The following DCHS2 variants were observed in gnomAD, a reference collection of about 807,000 sequenced individuals.
DCHS2 encodes the protein dachsous cadherin-related 2, also known as protocadherin-23.
A neutral mutation model predicts 182.4 loss-of-function variants in DCHS2; 142 were observed. The ratio of observed to expected loss-of-function variants is 0.78; its 90% CI spans 0.68 to 0.89. The LOEUF is 0.89. DCHS2 is among the 40% of genes least tolerant of loss of function. DCHS2 has a pLI of 0.00. For synonymous variants in DCHS2, 1,740 were observed against 1,663.3 expected (o/e 1.05, Z -1.12); for missense variants, 4,319 against 4,198.6 (o/e 1.03, Z -0.79).
intron 1 of DCHS2, among the ~76,000 whole-genome samples, chr4:154,411,542 A>G (rs1210254406): frequency 6.6e-6 from 1 of 152,144 alleles, no homozygotes; most frequent in Non-Finnish European, 1.5e-5. Flanking sequence ...GGTTGCAATA[A>G]GCCAAGATTA....
intron 1 of DCHS2, among the ~76,000 whole-genome samples, chr4:154,458,670 A>G (rs973842014): frequency 6.6e-6 from 1 of 152,226 alleles, no homozygotes; most frequent in East Asian, 1.9e-4. Flanking sequence ...CCATGTTACA[A>G]TCCAAATATC....
At chr4:154,263,206 C>A (rs911539007) in intron 14 of DCHS2, among the ~76,000 whole-genome samples, 1 of 151,904 alleles carries the variant, frequency 6.6e-6, no homozygotes, top group African/African-American at 2.4e-5. Flanking sequence ...AAAACCTATA[C>A]AATTAGATAC....
At chr4:154,442,542 C>G (rs1013717620) in intron 1 of DCHS2, among the ~76,000 whole-genome samples, 11 of 52,478 alleles carry the variant, frequency 2.1e-4, no homozygotes, top group African/African-American at 6.4e-4. Flanking sequence ...CCCCCCCCCC[C>G]ACACACACAC....
chr4:154,484,351 G>A (rs1333320685), intron 1 of DCHS2, among the ~76,000 whole-genome samples: 2 of 151,090 alleles, frequency 1.3e-5, no homozygotes, highest in African/African-American at 2.4e-5. Context: ...TTCCTAAAAC[G>A]TTACTTTTCA....
chr4:154,378,524 G>GGAAA (rs1554012157), intron 1 of DCHS2, among the ~76,000 whole-genome samples: 43 of 141,172 alleles, frequency 3.0e-4, no homozygotes, highest in African/African-American at 1.1e-3. Context: ...AAGGAAAGAA[G>GGAAA]GAAGGAAGGA....
At chr4:154,433,320 C>A (rs558291546) in intron 1 of DCHS2, among the ~76,000 whole-genome samples, 2 of 151,696 alleles carry the variant, frequency 1.3e-5, no homozygotes, top group Non-Finnish European at 2.9e-5. Context: ...GGACCATGGC[C>A]CTGCCAAGTA....
Position 154,319,980 on chromosome 4 carries a change from T to C in DCHS2, c.5020+399A>G, listed in dbSNP as rs377226356. On this transcript the variant is annotated intron_variant, in intron 9 of 19. Transcript: ENST00000357232. ...GAATGGATAAAGAAAATGTGGTATG[T>C]GCATACCATTGAAGACAATTCAGCC... Among the ~76,000 whole-genome samples, 146 of 138,014 alleles carry C rather than the reference T, an allele frequency of 1.1e-3. 1 individual carries two copies. Among genetic ancestry groups the C allele is most frequent in the African/African-American group, 3.3e-3 (135 of 40,858 alleles). The allele number at this position is 138,014 out of a possible 152,430, so 90.5% of individuals were successfully genotyped here. A position where few individuals can be genotyped will look rare whatever the true frequency, so the allele number is the denominator to read the frequency against.
intron 11 of DCHS2, 56 bp from the exon 12 acceptor site, chr4:154,304,934 ATGT>A: frequency 1.3e-6 from 2 of 1,538,666 alleles, no homozygotes; most frequent in Non-Finnish European, 1.7e-6. Flanking sequence ...TACCTAAAAT[ATGT>A]TGTTCTAACT....
chr4:154,440,313 A>T (rs1258854371), intron 1 of DCHS2, among the ~76,000 whole-genome samples: 1 of 152,116 alleles, frequency 6.6e-6, no homozygotes, highest in Non-Finnish European at 1.5e-5. Context: ...AACAAATGAA[A>T]CTGTACTTGC....
At chr4:154,345,902 A>C (rs1298037164) in intron 3 of DCHS2, among the ~76,000 whole-genome samples, 1 of 152,248 alleles carries the variant, frequency 6.6e-6, no homozygotes, top group African/African-American at 2.4e-5. Flanking sequence ...TGCTATAGCA[A>C]AAGTAGCATA....
chr4:154,468,685 C>A (rs959481523), intron 1 of DCHS2, among the ~76,000 whole-genome samples: 3 of 152,084 alleles, frequency 2.0e-5, no homozygotes, highest in African/African-American at 7.2e-5. Context: ...AATAAAAATC[C>A]TACATTTATT....
intron 3 of DCHS2, among the ~76,000 whole-genome samples, chr4:154,344,369 T>G (rs1729258638): frequency 6.6e-6 from 1 of 152,196 alleles, no homozygotes; most frequent in African/African-American, 2.4e-5. Context: ...AAGTGGGGTA[T>G]GTCTGTATAA....
chr4:154,470,244 G>A (rs1735404102), intron 1 of DCHS2, among the ~76,000 whole-genome samples: 2 of 152,152 alleles, frequency 1.3e-5, no homozygotes, highest in African/African-American at 4.8e-5. Flanking sequence ...TTGGGAGGCT[G>A]AGCTTGGAGG....
At chr4:154,447,235 T>G (rs1221319072) in intron 1 of DCHS2, among the ~76,000 whole-genome samples, 3 of 152,074 alleles carry the variant, frequency 2.0e-5, no homozygotes, top group Non-Finnish European at 4.4e-5. Context: ...GGGGATGCAG[T>G]GAGCTGAGAT....
At chr4:154,475,413 A>G (rs1735643575) in intron 1 of DCHS2, among the ~76,000 whole-genome samples, 1 of 152,364 alleles carries the variant, frequency 6.6e-6, no homozygotes, top group East Asian at 1.9e-4. Context: ...GGGTAGAGTC[A>G]TTTAATTCAT....
intron 1 of DCHS2, among the ~76,000 whole-genome samples, chr4:154,440,560 G>A (rs1235256263): frequency 1.3e-5 from 2 of 152,016 alleles, no homozygotes; most frequent in African/African-American, 2.4e-5. Flanking sequence ...TGACCCTTTG[G>A]AGGGCCAAAA....
intron 1 of DCHS2, among the ~76,000 whole-genome samples, chr4:154,422,496 T>C (rs1428062600): frequency 6.6e-6 from 1 of 152,300 alleles, no homozygotes; most frequent in East Asian, 1.9e-4. Context: ...TCCTTCTCTA[T>C]CAGAACCCTG....
At chr4:154,260,336 C>A (rs1732930139) in intron 14 of DCHS2, among the ~76,000 whole-genome samples, 1 of 152,130 alleles carries the variant, frequency 6.6e-6, no homozygotes, top group African/African-American at 2.4e-5. Flanking sequence ...TCCATATTTA[C>A]CCCCTGGCCA....
intron 10 of DCHS2, among the ~76,000 whole-genome samples, chr4:154,312,837 C>T (rs996353901): frequency 1.3e-5 from 2 of 152,140 alleles, no homozygotes; most frequent in Non-Finnish European, 2.9e-5. Context: ...CAGAATGGCA[C>T]CTTATAACTT....
Sources: allele counts gnomAD v4.1 joint callset (sites outside exome capture counted in the v4.1 genomes callset), GRCh38; gene constraint gnomAD v4.1.1; transcripts MANE v1.5; gene names NCBI Gene and HGNC (gene_info 2026-07-23, HGNC 2026-07-21).